Variants in PLEKHA2 observed in about 807,000 individuals in gnomAD.
PLEKHA2 encodes the protein pleckstrin homology domain-containing family A member 2.
In PLEKHA2, 28 loss-of-function variants were observed where a neutral mutation model predicts 53.2. That is an observed-to-expected ratio of 0.53 (90% confidence interval 0.39 to 0.72). PLEKHA2 has a LOEUF of 0.72. Among genes scored for constraint, PLEKHA2 ranks in the 30% least tolerant of loss-of-function variants. PLEKHA2 has a pLI of 0.00. For synonymous variants in PLEKHA2, 193 were observed against 196.4 expected (o/e 0.98, Z 0.14); for missense variants, 426 against 537.9 (o/e 0.79, Z 2.06).
At chr8:38,964,851 C>CATTT (rs1564159010) in intron 10 of PLEKHA2, among the ~76,000 whole-genome samples, 1 of 103,532 alleles carries the variant, frequency 9.7e-6, no homozygotes, top group East Asian at 3.5e-4. Flanking sequence ...TTGTTACTTC[C>CATTT]CTTTTTTTTT....
At chr8:38,961,468 C>T (rs1247766081) in intron 10 of PLEKHA2, among the ~76,000 whole-genome samples, 4 of 149,810 alleles carry the variant, frequency 2.7e-5, no homozygotes, top group Admixed American at 6.6e-5. Context: ...ACCCAGGGGG[C>T]GGAGGTTGCA....
chr8:38,933,826 G>GA (rs921429815), intron 2 of PLEKHA2, among the ~76,000 whole-genome samples: 2 of 102,950 alleles, frequency 1.9e-5, no homozygotes, highest in African/African-American at 3.3e-5. Context: ...CTATGTGGTT[G>GA]AAAAAAAATG....
intron 2 of PLEKHA2, among the ~76,000 whole-genome samples, chr8:38,929,092 T>C (rs1300702626): frequency 3.3e-5 from 5 of 152,184 alleles, no homozygotes; most frequent in Admixed American, 2.0e-4. Flanking sequence ...TTTCTGTGAG[T>C]CTACATGGCC....
intron 2 of PLEKHA2, 100 bp from the exon 3 acceptor site, chr8:38,935,894 G>A: frequency 9.1e-7 from 1 of 1,097,058 alleles, no homozygotes; most frequent in Non-Finnish European, 1.4e-6. Flanking sequence ...CTTGCTCAGT[G>A]TTGCCAGGAA....
At chr8:38,961,238 A>T (rs980722404) in intron 10 of PLEKHA2, among the ~76,000 whole-genome samples, 2 of 152,196 alleles carry the variant, frequency 1.3e-5, no homozygotes, top group Non-Finnish European at 2.9e-5. Context: ...ATTTGTTCTA[A>T]GTAAAAATTG....
intron 5 of PLEKHA2, among the ~76,000 whole-genome samples, chr8:38,949,227 T>G (rs2129421757): frequency 6.7e-6 from 1 of 148,920 alleles, no homozygotes; most frequent in East Asian, 2.0e-4. Flanking sequence ...CTGGACCTCT[T>G]TTTTTTTTTT....
At chr8:38,941,423 A>G (rs1218881799) in intron 3 of PLEKHA2, among the ~76,000 whole-genome samples, 1 of 152,220 alleles carries the variant, frequency 6.6e-6, no homozygotes, top group Non-Finnish European at 1.5e-5. Context: ...CGTTTACTTG[A>G]CGTAACATCC....
chr8:38,964,840 C>T (rs1387159699), intron 10 of PLEKHA2, among the ~76,000 whole-genome samples: 11 of 46,980 alleles, frequency 2.3e-4, no homozygotes, highest in Admixed American at 1.1e-3. Flanking sequence ...TTTATTTTTT[C>T]TTGTTACTTC....
In PLEKHA2 at chr8:38,939,731, G is replaced by A. The variant is rs534636142; in HGVS notation, c.198+3681G>A. Among the ~76,000 whole-genome samples, 3 of 152,276 alleles carry A rather than the reference G, an allele frequency of 2.0e-5. No individual in the cohort carries two copies. The South Asian group carries it at 6.2e-4, about 32-fold the overall frequency. ...ACAAATAGGAGTTTTTCAGAGAAAA[G>A]GCAGTTCTCCTAATAAGCCAGAAAG... On this transcript the variant is annotated intron_variant, in intron 3 of 11. Coordinates refer to ENST00000617275, the MANE Select transcript of PLEKHA2 (RefSeq NM_021623.2).
At chr8:38,958,904 A>G (rs1404937577) in intron 10 of PLEKHA2, among the ~76,000 whole-genome samples, 1 of 152,100 alleles carries the variant, frequency 6.6e-6, no homozygotes, top group Non-Finnish European at 1.5e-5. Flanking sequence ...GGCGCAGGGG[A>G]GGGAGTGCTG....
chr8:38,943,740 A>G (rs371487451), intron 3 of PLEKHA2, 49 bp from the exon 4 acceptor site: 29 of 1,397,066 alleles, frequency 2.1e-5, no homozygotes, highest in Non-Finnish European at 2.6e-5. Context: ...GAAATCTTCA[A>G]CATTGTAAGA....
intron 10 of PLEKHA2, among the ~76,000 whole-genome samples, chr8:38,967,532 T>G (rs1488638099): frequency 1.3e-5 from 2 of 152,220 alleles, no homozygotes. Flanking sequence ...GTCCTAATAA[T>G]AGCTATTCTG....
intron 2 of PLEKHA2, among the ~76,000 whole-genome samples, chr8:38,923,354 T>G (rs1458374804): frequency 6.6e-6 from 1 of 152,186 alleles, no homozygotes. Flanking sequence ...GGTGATCCTT[T>G]CACCAGCACA....
chr8:38,957,510 C>T lies in PLEKHA2; in HGVS notation c.837+124C>T. ...GAAGTTTCTAGGCAGTAAATTTAGC[C>T]CCTGAGAGTCAGTCTGAGTCCCATT... is the stretch of plus-strand genomic sequence containing the variant. On this transcript the variant is annotated intron_variant, in intron 10 of 11. Transcript: ENST00000617275. 4 of 761,262 alleles carry T rather than the reference C, an allele frequency of 5.3e-6. 1 individual carries two copies. In the South Asian group the frequency reaches 7.2e-5, roughly 14 times the overall value. 47.2% of individuals were successfully genotyped at this position (761,262 alleles called of 1,614,324 possible). A position where few individuals can be genotyped will look rare whatever the true frequency, so the allele number is the denominator to read the frequency against.
chr8:38,929,407 G>A (rs997972737), intron 2 of PLEKHA2, among the ~76,000 whole-genome samples: 1 of 152,232 alleles, frequency 6.6e-6, no homozygotes, highest in African/African-American at 2.4e-5. Flanking sequence ...AACCCTGCTG[G>A]TCCTGCTTTT....
At chr8:38,914,954 TTCC>T (rs1163344102) in intron 1 of PLEKHA2, among the ~76,000 whole-genome samples, 2 of 125,672 alleles carry the variant, frequency 1.6e-5, no homozygotes, top group African/African-American at 5.9e-5. Flanking sequence ...TCTTCCTTTA[TTCC>T]TCTTCTTCTG....
chr8:38,934,582 T>C (rs1323352005), intron 2 of PLEKHA2, among the ~76,000 whole-genome samples: 1 of 152,098 alleles, frequency 6.6e-6, no homozygotes, highest in Non-Finnish European at 1.5e-5. Flanking sequence ...AGGGCTGTGA[T>C]TTCTAACCTT....
intron 10 of PLEKHA2, among the ~76,000 whole-genome samples, chr8:38,964,639 C>G (rs529192190): frequency 1.6e-4 from 24 of 151,780 alleles, no homozygotes; most frequent in African/African-American, 5.8e-4. Context: ...CATAGTATAT[C>G]TACTTGGATC....
Position 38,969,990 on chromosome 8 carries a change from A to T in PLEKHA2, c.*207A>T. 5 of 677,910 alleles carry T rather than the reference A, an allele frequency of 7.4e-6. No homozygotes were observed. Among genetic ancestry groups the T allele is most frequent in the Non-Finnish European group, 1.2e-5 (5 of 414,620 alleles). The allele number at this position is 677,910 out of a possible 1,614,324, so 42.0% of individuals were successfully genotyped here. A position where few individuals can be genotyped will look rare whatever the true frequency, so the allele number is the denominator to read the frequency against. Reference sequence around the variant, plus strand: ...GTGTGTGTGTGTGTAATATCAACGCAGTGTATTTAATTTGGGGAAGTCACT... The same window carrying T: ...GTGTGTGTGTGTGTAATATCAACGCTGTGTATTTAATTTGGGGAAGTCACT... On this transcript the variant is annotated 3_prime_UTR_variant, in exon 12 of 12. Coordinates refer to ENST00000617275, the MANE Select transcript of PLEKHA2 (RefSeq NM_021623.2).
Sources: allele counts gnomAD v4.1 joint callset (sites outside exome capture counted in the v4.1 genomes callset), GRCh38; gene constraint gnomAD v4.1.1; transcripts MANE v1.5; gene names NCBI Gene and HGNC (gene_info 2026-07-23, HGNC 2026-07-21).